Variants in MYPN observed in about 807,000 individuals in gnomAD.
MYPN encodes sarcomeric protein myopalladin, 145 kDa (MYOP).
In MYPN, 63 loss-of-function variants were observed where a neutral mutation model predicts 129.4. That is an observed-to-expected ratio of 0.49 (90% CI 0.40 to 0.60). The LOEUF (loss-of-function observed/expected upper bound fraction) is 0.60. Ranked by LOEUF, MYPN falls within the 20% of genes least tolerant of loss-of-function variation. The probability of loss-of-function intolerance (pLI) is 0.00; values close to 1 mark genes in which losing one functional copy is unlikely to be tolerated. For missense variants in MYPN, 1,596 were observed against 1,635.4 expected (o/e 0.98, Z 0.42); for synonymous variants, 629 against 600.9 (o/e 1.05, Z -0.68).
intron 19 of MYPN, among the ~76,000 whole-genome samples, chr10:68,208,227 G>A (rs190951524): frequency 3.3e-5 from 5 of 152,074 alleles, no homozygotes; most frequent in Admixed American, 2.0e-4. Flanking sequence ...AACCTAATTA[G>A]CCAAAATAAT....
At chr10:68,160,999 T>G (rs1325377444) in intron 7 of MYPN, among the ~76,000 whole-genome samples, 1 of 152,196 alleles carries the variant, frequency 6.6e-6, no homozygotes, top group Non-Finnish European at 1.5e-5. Flanking sequence ...GGAGGTATAG[T>G]GTATATTTTA....
chr10:68,169,048 G>A (rs973499231), intron 10 of MYPN, among the ~76,000 whole-genome samples: 1 of 139,124 alleles, frequency 7.2e-6, no homozygotes, highest in Non-Finnish European at 1.5e-5. Context: ...TTTATGGCTT[G>A]TAGAAGTGAC....
intron 6 of MYPN, among the ~76,000 whole-genome samples, chr10:68,151,000 T>C (rs1426038776): frequency 2.0e-5 from 3 of 152,214 alleles, no homozygotes; most frequent in African/African-American, 7.2e-5. Context: ...TTGGCACTTT[T>C]GTTGTCACAG....
At chr10:68,142,296 A>G (rs1407887307) in intron 2 of MYPN, among the ~76,000 whole-genome samples, 1 of 152,210 alleles carries the variant, frequency 6.6e-6, no homozygotes, top group African/African-American at 2.4e-5. Context: ...TATTTTATAT[A>G]GTATTTTTGG....
intron 12 of MYPN, among the ~76,000 whole-genome samples, chr10:68,183,360 G>A (rs1237889257): frequency 6.6e-6 from 1 of 152,168 alleles, no homozygotes; most frequent in African/African-American, 2.4e-5. Flanking sequence ...TATTCGGGAG[G>A]CTGAGGTGGG....
Position 68,184,899 on chromosome 10 carries a change from G to T in MYPN, c.2704-4006G>T, listed in dbSNP as rs1040581182. Reference sequence around the variant, plus strand: ...GTGGAGGACCAGGATCTGTAGCATCGAGAGAGGAAAGAGGAGAATCTCTGG... The same window carrying T: ...GTGGAGGACCAGGATCTGTAGCATCTAGAGAGGAAAGAGGAGAATCTCTGG... On this transcript the variant is annotated intron_variant, in intron 12 of 19. Transcript: ENST00000358913. Among the ~76,000 whole-genome samples the T allele has an allele frequency of 3.9e-5, 6 of 152,288 alleles. No individual in the cohort carries two copies. In the East Asian group the frequency reaches 9.6e-4, roughly 24 times the overall value.
intron 1 of MYPN, among the ~76,000 whole-genome samples, chr10:68,117,139 G>A (rs961226167): frequency 5.9e-5 from 9 of 151,740 alleles, no homozygotes; most frequent in East Asian, 1.9e-4. Flanking sequence ...CAGGAGAATC[G>A]CTTGAACGTG....
chr10:68,193,797 GCACA>G (rs368376657), intron 13 of MYPN, among the ~76,000 whole-genome samples: 1,620 of 127,668 alleles, frequency 0.013, 25 homozygotes, highest in African/African-American at 0.039. Flanking sequence ...ATGTGTATGT[GCACA>G]CACACACACA....
chr10:68,157,037 T>C (rs1257301978), intron 6 of MYPN, among the ~76,000 whole-genome samples: 3 of 152,304 alleles, frequency 2.0e-5, no homozygotes, highest in East Asian at 3.9e-4. Context: ...TCACAAACCA[T>C]GATGAATAAG....
At chr10:68,133,021 ATTTTTTT>A (rs35346306) in intron 2 of MYPN, among the ~76,000 whole-genome samples, 30 of 116,240 alleles carry the variant, frequency 2.6e-4, no homozygotes, top group Admixed American at 5.5e-4. Context: ...GTAGACCTCA[ATTTTTTT>A]TTTTTTTTTT....
intron 6 of MYPN, among the ~76,000 whole-genome samples, chr10:68,150,665 G>A (rs1471061389): frequency 6.6e-6 from 1 of 152,166 alleles, no homozygotes; most frequent in Admixed American, 6.6e-5. Flanking sequence ...AACCAAGGGA[G>A]GGCCAGAGAG....
At chr10:68,168,266 T>C (rs1564676349) in intron 10 of MYPN, among the ~76,000 whole-genome samples, 1 of 152,136 alleles carries the variant, frequency 6.6e-6, no homozygotes, top group Non-Finnish European at 1.5e-5. Context: ...TTAGAGGATT[T>C]ATGTTTGGAA....
chr10:68,112,306 G>A (rs909638943), intron 1 of MYPN, among the ~76,000 whole-genome samples: 3 of 152,142 alleles, frequency 2.0e-5, no homozygotes, highest in African/African-American at 7.2e-5. Flanking sequence ...AGCTCTGGCT[G>A]CAGTGTCTTT....
chr10:68,130,319 G>C (rs2042390167), intron 2 of MYPN, among the ~76,000 whole-genome samples: 1 of 152,010 alleles, frequency 6.6e-6, no homozygotes, highest in Admixed American at 6.6e-5. Context: ...AATTAGCCAG[G>C]CGTGGTGGCG....
upstream of MYPN, chr10:68,109,424 T>C (rs2042050987): frequency 2.3e-6 from 1 of 441,008 alleles, no homozygotes; most frequent in East Asian, 7.0e-5. Flanking sequence ...TTTTCTCCTG[T>C]CCAATCAGGT....
At chr10:68,153,074 C>A (rs951484946) in intron 6 of MYPN, among the ~76,000 whole-genome samples, 3 of 151,626 alleles carry the variant, frequency 2.0e-5, no homozygotes, top group African/African-American at 7.3e-5. Flanking sequence ...CAACCTTTGC[C>A]TCCTGGGTTC....
intron 18 of MYPN, 116 bp downstream of exon 18, chr10:68,202,110 C>T (rs60211602): frequency 1.6e-5 from 20 of 1,223,466 alleles, no homozygotes; most frequent in African/African-American, 3.0e-5. Context: ...AATGCATTTG[C>T]GTTTCATTGA....
intron 1 of MYPN, among the ~76,000 whole-genome samples, chr10:68,115,765 G>T (rs2042148123): frequency 2.0e-5 from 3 of 152,090 alleles, no homozygotes; most frequent in Admixed American, 2.0e-4. Flanking sequence ...AAATGATCTG[G>T]CCTTGAACCT....
chr10:68,119,435 A>C (rs1252336911), intron 1 of MYPN, among the ~76,000 whole-genome samples: 5 of 143,290 alleles, frequency 3.5e-5, no homozygotes, highest in Non-Finnish European at 7.7e-5. Flanking sequence ...ATTGAGACAG[A>C]GTTTTGCTCT....
Sources: gnomAD v4.1 joint callset for allele counts (sites outside exome capture counted in the v4.1 genomes callset) on GRCh38, gnomAD v4.1.1 for gene constraint, MANE v1.5 for transcripts, NCBI Gene and HGNC (gene_info 2026-07-23, HGNC 2026-07-21) for gene names.